The following FBXL17 variants were observed in gnomAD, a reference collection of about 807,000 sequenced individuals.
FBXL17 encodes the protein F-box and leucine rich repeat protein 17, also known as F-box/LRR-repeat protein 17.
FBXL17 carries 22 observed loss-of-function variants against 66.2 expected under a neutral mutation model. The ratio of observed to expected loss-of-function variants is 0.33; its 90% confidence interval spans 0.24 to 0.47. The LOEUF (loss-of-function observed/expected upper bound fraction) is 0.47, where lower values mean the gene tolerates loss of function less well. FBXL17 is among the 20% of genes least tolerant of loss of function. The pLI, the probability that FBXL17 is intolerant of heterozygous loss-of-function variation, is 1.00. For missense variants in FBXL17, 878 were observed against 948.2 expected (o/e 0.93, Z 0.97); for synonymous variants, 474 against 400.5 (o/e 1.18, Z -2.19).
At position 107,859,575 on chromosome 5, in the gene FBXL17, A is replaced by G. The variant is rs1312136251; in HGVS notation, c.*2145T>C. Reference sequence around the variant, plus strand: ...CCCCACCCCCACCCCCCCAAGCTAAAGCATGTTATAGTGCTGTACTTTAGA... The same window carrying G: ...CCCCACCCCCACCCCCCCAAGCTAAGGCATGTTATAGTGCTGTACTTTAGA... On this transcript the variant is annotated 3_prime_UTR_variant, in exon 9 of 9. Coordinates refer to ENST00000542267, the MANE Select transcript of FBXL17 (RefSeq NM_001163315.3). The G allele has an allele frequency of 6.9e-6, 1 of 144,658 alleles. No homozygotes were observed. The highest frequency in any genetic ancestry group is 2.0e-4 in the East Asian group (1 of 4,884). 9.0% of individuals were successfully genotyped at this position (144,658 alleles called of 1,614,324 possible).
At chr5:108,243,570 C>T (rs947637753) in intron 4 of FBXL17, among the ~76,000 whole-genome samples, 1 of 152,062 alleles carries the variant, frequency 6.6e-6, no homozygotes, top group African/African-American at 2.4e-5. Flanking sequence ...ATACGTGAGC[C>T]TAGTAGGTAT....
intron 4 of FBXL17, among the ~76,000 whole-genome samples, chr5:108,330,939 G>C (rs1760093533): frequency 6.6e-6 from 1 of 152,074 alleles, no homozygotes; most frequent in African/African-American, 2.4e-5. Context: ...TGTAGTCCCA[G>C]CTACTCAGGA....
chr5:107,992,404 A>G (rs1753287565), intron 7 of FBXL17, among the ~76,000 whole-genome samples: 1 of 152,170 alleles, frequency 6.6e-6, no homozygotes, highest in Non-Finnish European at 1.5e-5. Context: ...GTCTCCTTGA[A>G]ACTGGAACTA....
intron 4 of FBXL17, among the ~76,000 whole-genome samples, chr5:108,225,525 T>G (rs1372843511): frequency 1.3e-5 from 2 of 152,176 alleles, no homozygotes; most frequent in African/African-American, 4.8e-5. Flanking sequence ...GGAGTTATGC[T>G]GCACAAGCCA....
At chr5:108,202,852 C>T (rs1413428626) in intron 5 of FBXL17, among the ~76,000 whole-genome samples, 1 of 151,890 alleles carries the variant, frequency 6.6e-6, no homozygotes, top group African/African-American at 2.4e-5. Flanking sequence ...TACTGGATCC[C>T]CTTATTCAGT....
In FBXL17 at chr5:108,052,647, T is replaced by C. The variant is rs1747529981; in HGVS notation, c.1746-31646A>G. On this transcript the variant is annotated intron_variant, in intron 6 of 8. Transcript: ENST00000542267. ...CCAAAGTAATTTATAGATTCAATGT[T>C]ACTCCCATCAAACTACCATTGACAT... 2.6e-5 allele frequency among the ~76,000 whole-genome samples: 4 copies of C among 152,282 alleles called. No individual in the cohort carries two copies. The South Asian group carries it at 8.3e-4, about 32-fold the overall frequency.
intron 6 of FBXL17, among the ~76,000 whole-genome samples, chr5:108,074,961 C>A (rs1041904391): frequency 2.0e-5 from 3 of 152,164 alleles, no homozygotes; most frequent in African/African-American, 7.2e-5. Context: ...AGAGAAATGT[C>A]TTTGTAGCAA....
At chr5:108,075,529 T>TATTC (rs1748509521) in intron 6 of FBXL17, among the ~76,000 whole-genome samples, 1 of 152,136 alleles carries the variant, frequency 6.6e-6, no homozygotes, top group Non-Finnish European at 1.5e-5. Flanking sequence ...CAGGCTGGAG[T>TATTC]GCAATGGCTT....
intron 8 of FBXL17, among the ~76,000 whole-genome samples, chr5:107,875,201 G>A (rs76976790): frequency 0.013 from 1,951 of 151,700 alleles, 50 homozygotes; most frequent in African/African-American, 0.044. Context: ...GTGCAGACAA[G>A]GCAGGGAAGA....
At chr5:108,246,859 A>AT (rs1489623831) in intron 4 of FBXL17, among the ~76,000 whole-genome samples, 1 of 152,222 alleles carries the variant, frequency 6.6e-6, no homozygotes, top group South Asian at 2.1e-4. Context: ...AGAAAAGCAT[A>AT]TATTTGCTCA....
At chr5:107,961,735 T>G (rs534494115) in intron 7 of FBXL17, among the ~76,000 whole-genome samples, 15 of 152,294 alleles carry the variant, frequency 9.8e-5, no homozygotes, top group Admixed American at 2.6e-4. Flanking sequence ...TGTTAAAAGA[T>G]ACCTGATTCA....
chr5:107,883,812 C>T (rs1482635478), intron 7 of FBXL17, among the ~76,000 whole-genome samples: 2 of 152,098 alleles, frequency 1.3e-5, no homozygotes, highest in Admixed American at 6.5e-5. Context: ...GTAAGAGCCC[C>T]CTCACGCTTC....
At chr5:108,290,448 A>G (rs1032651763) in intron 4 of FBXL17, among the ~76,000 whole-genome samples, 2 of 152,150 alleles carry the variant, frequency 1.3e-5, no homozygotes, top group African/African-American at 2.4e-5. Context: ...GGTATTTGGT[A>G]AGATTAATCA....
At chr5:108,369,353 T>A (rs953061133) in intron 1 of FBXL17, among the ~76,000 whole-genome samples, 1 of 152,194 alleles carries the variant, frequency 6.6e-6, no homozygotes. Context: ...TTATGTCTCA[T>A]GTCTCCCTAA....
chr5:107,915,127 G>C (rs546052807), intron 7 of FBXL17, among the ~76,000 whole-genome samples: 1 of 152,116 alleles, frequency 6.6e-6, no homozygotes, highest in East Asian at 1.9e-4. Context: ...TATTTGCTTA[G>C]ACCCAAGCAT....
chr5:108,014,567 T>A (rs1443990091), intron 7 of FBXL17, among the ~76,000 whole-genome samples: 1 of 152,204 alleles, frequency 6.6e-6, no homozygotes, highest in Non-Finnish European at 1.5e-5. Flanking sequence ...ATAAGAGTTG[T>A]CACTGCTCAG....
chr5:107,995,333 C>T (rs1252536915), intron 7 of FBXL17, among the ~76,000 whole-genome samples: 1 of 152,090 alleles, frequency 6.6e-6, no homozygotes, highest in Non-Finnish European at 1.5e-5. Context: ...ATTTAAAACA[C>T]ATGCTGTTTG....
At chr5:107,878,361 C>T in intron 8 of FBXL17, 4 of 895,300 alleles carry the variant, frequency 4.5e-6, no homozygotes, top group Non-Finnish European at 5.3e-6. Context: ...TAAGACTAAT[C>T]AGTAACAGAG....
At chr5:107,940,120 A>G (rs1466786276) in intron 7 of FBXL17, among the ~76,000 whole-genome samples, 3 of 152,190 alleles carry the variant, frequency 2.0e-5, no homozygotes, top group Non-Finnish European at 4.4e-5. Flanking sequence ...TGACACTAGA[A>G]ACATGAAATA....
Sources: gnomAD v4.1 joint callset for allele counts (sites outside exome capture counted in the v4.1 genomes callset) on GRCh38, gnomAD v4.1.1 for gene constraint, MANE v1.5 for transcripts, NCBI Gene and HGNC (gene_info 2026-07-23, HGNC 2026-07-21) for gene names.